DPP10: variants seen among roughly 807,000 people sequenced by gnomAD.
DPP10 encodes the protein dipeptidyl peptidase like 10.
Under a neutral mutation model 120.9 loss-of-function variants are expected in DPP10, and 33 were observed. The ratio of observed to expected loss-of-function variants is 0.27; its 90% CI spans 0.21 to 0.37. The LOEUF (loss-of-function observed/expected upper bound fraction) is 0.37, where lower values mean the gene tolerates loss of function less well. Among genes scored for constraint, DPP10 ranks in the 10% least tolerant of loss-of-function variants. The pLI is 1.00. For missense variants in DPP10, 816 were observed against 942.8 expected, an observed-to-expected ratio of 0.87 and a Z score of 1.76; for synonymous variants, 337 against 326.1, an observed-to-expected ratio of 1.03 and a Z score of -0.36.
intron 1 of DPP10, among the ~76,000 whole-genome samples, chr2:115,104,876 C>T (rs374471104): frequency 1.6e-3 from 247 of 152,086 alleles, no homozygotes; most frequent in African/African-American, 5.8e-3. Context: ...CGTGGAGGCA[C>T]GCACCTGTAG....
At chr2:115,599,855 CT>C (rs67310903) in intron 5 of DPP10, among the ~76,000 whole-genome samples, 150,307 of 152,124 alleles carry the variant, frequency 0.99, 74,284 homozygotes, top group East Asian at 1. Flanking sequence ...TCACATCTCA[CT>C]TTTTTTTGTA....
At chr2:115,491,875 TA>T (rs749142056) in intron 3 of DPP10, among the ~76,000 whole-genome samples, 20 of 151,944 alleles carry the variant, frequency 1.3e-4, no homozygotes, top group Non-Finnish European at 2.4e-4. Flanking sequence ...ATTTCAAGGG[TA>T]GGGGTAGAGG....
At chr2:115,521,788 A>AC (rs1301087860) in intron 4 of DPP10, among the ~76,000 whole-genome samples, 3 of 152,140 alleles carry the variant, frequency 2.0e-5, no homozygotes, top group African/African-American at 7.2e-5. Context: ...CCAAGGTAAT[A>AC]GTTCTAAATT....
Position 114,829,997 on chromosome 2 carries a change from G to C in DPP10, c.60+387159G>C, listed in dbSNP as rs146375837. Among the ~76,000 whole-genome samples, 440 of 151,978 alleles carry C rather than the reference G, an allele frequency of 2.9e-3. 7 individuals are homozygous for C. Among genetic ancestry groups the C allele is most frequent in the South Asian group, 0.014 (69 of 4,804 alleles). ...TTTTCCTCTAAGCTCTGCTGCCCTG[G>C]GCCTACTGACTCCTGTCCTCTCACT... On this transcript the variant is annotated intron_variant, in intron 1 of 25. Coordinates refer to ENST00000410059, the MANE Select transcript of DPP10 (RefSeq NM_020868.6).
At chr2:114,629,388 T>C (rs1246880481) in intron 1 of DPP10, among the ~76,000 whole-genome samples, 1 of 152,192 alleles carries the variant, frequency 6.6e-6, no homozygotes. Flanking sequence ...AGATGCTTAA[T>C]ATATGTATTT....
Position 115,664,180 on chromosome 2 carries a change from T to C in DPP10, c.442-25507T>C, listed in dbSNP as rs565705337. Among the ~76,000 whole-genome samples the C allele has an allele frequency of 2.8e-4, 42 of 152,036 alleles. 1 individual carries two copies. The highest frequency in any genetic ancestry group is 1.2e-3 in the South Asian group (6 of 4,822). On this transcript the variant is annotated intron_variant, in intron 5 of 25. Coordinates refer to ENST00000410059, the MANE Select transcript of DPP10 (RefSeq NM_020868.6). ...ATATGTTAAGAGACTTTGGAAATAA[T>C]TGGAATTCACTAATAACTTTATACT... is the stretch of plus-strand genomic sequence containing the variant.
intron 3 of DPP10, among the ~76,000 whole-genome samples, chr2:115,384,597 AG>A (rs2066744335): frequency 6.7e-6 from 1 of 149,648 alleles, no homozygotes; most frequent in Non-Finnish European, 1.5e-5. Flanking sequence ...AAAAGGAAGA[AG>A]GAGGAAGAAG....
At chr2:114,681,690 C>A (rs1699037553) in intron 1 of DPP10, among the ~76,000 whole-genome samples, 1 of 151,968 alleles carries the variant, frequency 6.6e-6, no homozygotes, top group Admixed American at 6.6e-5. Context: ...ATACATTTTA[C>A]AAAGCCGGTA....
At chr2:114,799,088 C>A (rs1303398530) in intron 1 of DPP10, among the ~76,000 whole-genome samples, 1 of 152,094 alleles carries the variant, frequency 6.6e-6, no homozygotes, top group African/African-American at 2.4e-5. Flanking sequence ...GAGATCGTGC[C>A]ATTGCACTCC....
chr2:115,545,791 A>G (rs1275570787), intron 5 of DPP10, among the ~76,000 whole-genome samples: 1 of 152,052 alleles, frequency 6.6e-6, no homozygotes, highest in Non-Finnish European at 1.5e-5. Flanking sequence ...AGAGCTGCCT[A>G]TTTGTTGGTT....
In DPP10 at chr2:114,974,417, C is replaced by CTT. The variant is rs36001857; in HGVS notation, c.61-334805_61-334804dup. ...GGATATAGGCTAAATCCTTTTTATC[C>CTT]TTTTTTTTTTTTTTTTTTGAAGCAG... On this transcript the variant is annotated intron_variant, in intron 1 of 25. Coordinates refer to ENST00000410059, the MANE Select transcript of DPP10 (RefSeq NM_020868.6). 6.7e-3 allele frequency among the ~76,000 whole-genome samples: 877 copies of CTT among 131,550 alleles called. 21 individuals are homozygous for CTT. The East Asian group carries it at 0.076, about 11-fold the overall frequency. The allele number at this position is 131,550 out of a possible 152,430, so 86.3% of individuals were successfully genotyped here.
intron 1 of DPP10, among the ~76,000 whole-genome samples, chr2:114,736,754 C>G (rs1677479371): frequency 1.3e-5 from 2 of 152,160 alleles, no homozygotes; most frequent in Non-Finnish European, 2.9e-5. Flanking sequence ...GAAGATAAAA[C>G]CTAAACATTT....
In DPP10 at chr2:114,808,583, CA is replaced by C. The variant is rs377577918; in HGVS notation, c.60+365747del. Reference sequence around the variant, plus strand: ...TTTGCTTAATGTCCCTTGGAAATTCCAATAGCACTTGACATAAAAATGAAAC... The same window carrying C: ...TTTGCTTAATGTCCCTTGGAAATTCCATAGCACTTGACATAAAAATGAAAC... On this transcript the variant is annotated intron_variant, in intron 1 of 25. Coordinates refer to ENST00000410059, the MANE Select transcript of DPP10 (RefSeq NM_020868.6). Among the ~76,000 whole-genome samples, 9 of 150,182 alleles carry C rather than the reference CA, an allele frequency of 6.0e-5. No homozygotes were observed. The East Asian group carries it at 1.6e-3, about 26-fold the overall frequency.
At chr2:115,535,942 G>T (rs1246883548) in intron 5 of DPP10, among the ~76,000 whole-genome samples, 4 of 151,898 alleles carry the variant, frequency 2.6e-5, no homozygotes, top group African/African-American at 9.7e-5. Context: ...AAGAATGCTT[G>T]TGATTTTTGC....
chr2:115,335,428 T>C (rs2063065710), intron 2 of DPP10, among the ~76,000 whole-genome samples: 1 of 151,988 alleles, frequency 6.6e-6, no homozygotes, highest in Admixed American at 6.6e-5. Context: ...TAGGAAACAT[T>C]AAGAAACAAG....
At chr2:114,950,456 C>T (rs576124935) in intron 1 of DPP10, among the ~76,000 whole-genome samples, 1 of 144,758 alleles carries the variant, frequency 6.9e-6, no homozygotes, top group South Asian at 2.3e-4. Context: ...CACCACGCCC[C>T]GGTAATTTTT....
chr2:115,763,455 A>T (rs1399208831), intron 12 of DPP10, among the ~76,000 whole-genome samples: 7 of 152,098 alleles, frequency 4.6e-5, no homozygotes, highest in Admixed American at 4.6e-4. Flanking sequence ...CTTAATTTTT[A>T]TCTTAGGACT....
At chr2:114,611,574 G>C (rs1400573909) in intron 1 of DPP10, among the ~76,000 whole-genome samples, 2 of 152,106 alleles carry the variant, frequency 1.3e-5, no homozygotes, top group East Asian at 3.9e-4. Flanking sequence ...TAATTGTTTT[G>C]TTTTGTGTTA....
At chr2:115,603,122 C>CTGTGTGTGTGTG (rs61161169) in intron 5 of DPP10, among the ~76,000 whole-genome samples, 1 of 143,904 alleles carries the variant, frequency 6.9e-6, no homozygotes, top group African/African-American at 2.6e-5. Context: ...ATAAATAAAA[C>CTGTGTGTGTGTG]TGTGTGTGTG....
Sources: gnomAD v4.1 joint callset for allele counts (sites outside exome capture counted in the v4.1 genomes callset) on GRCh38, gnomAD v4.1.1 for gene constraint, MANE v1.5 for transcripts, NCBI Gene and HGNC (gene_info 2026-07-23, HGNC 2026-07-21) for gene names.